The following PPARGC1B variants were observed in gnomAD, a reference collection of about 807,000 sequenced individuals.
PPARGC1B encodes the protein PPARG coactivator 1 beta, also known as peroxisome proliferator-activated receptor gamma coactivator 1-beta.
In PPARGC1B, 34 loss-of-function variants were observed where a neutral mutation model predicts 101.6. The observed-to-expected ratio is 0.33, with a 90% CI of 0.25 to 0.45. The LOEUF is 0.45. Ranked by LOEUF, PPARGC1B falls within the 20% of genes least tolerant of loss-of-function variation. The pLI is 1.00. For synonymous variants in PPARGC1B, 548 were observed against 539.3 expected (o/e 1.02, Z -0.22); for missense variants, 1,234 against 1,317.6 (o/e 0.94, Z 0.98).
chr5:149,772,513 A>G (rs1325168654), intron 1 of PPARGC1B, among the ~76,000 whole-genome samples: 1 of 152,284 alleles, frequency 6.6e-6, no homozygotes, highest in East Asian at 1.9e-4. Flanking sequence ...TCTGAAGGCC[A>G]GAAGTCTAAA....
At chr5:149,731,957 G>C (rs1170577587) in intron 1 of PPARGC1B, among the ~76,000 whole-genome samples, 1 of 152,166 alleles carries the variant, frequency 6.6e-6, no homozygotes, top group African/African-American at 2.4e-5. Flanking sequence ...GCTCGGGTGG[G>C]TTCGCGGCAG....
At chr5:149,797,212 G>A (rs1213760785) in intron 1 of PPARGC1B, among the ~76,000 whole-genome samples, 1 of 152,202 alleles carries the variant, frequency 6.6e-6, no homozygotes, top group East Asian at 1.9e-4. Context: ...AGACCAGCCA[G>A]CCTTAAAGAA....
Position 149,789,620 on chromosome 5 carries a change from T to C in PPARGC1B, c.79-30813T>C, listed in dbSNP as rs571580294. ...AACAATTCTATGAAGTAGTTCCTAT[T>C]GTTATCCTCATCTTACAGAAAACGA... On this transcript the variant is annotated intron_variant, in intron 1 of 11. Transcript: ENST00000309241. Among the ~76,000 whole-genome samples the C allele has an allele frequency of 8.5e-5, 13 of 152,350 alleles. No homozygotes were observed. The South Asian group carries it at 2.7e-3, about 32-fold the overall frequency.
At position 149,844,512 on chromosome 5, in the gene PPARGC1B, G is replaced by A. The variant is rs563685600; in HGVS notation, c.2817-1248G>A. Among the ~76,000 whole-genome samples the A allele has an allele frequency of 7.2e-5, 11 of 152,342 alleles. No individual in the cohort carries two copies. In the South Asian group the frequency reaches 8.3e-4, roughly 11 times the overall value. On this transcript the variant is annotated intron_variant, in intron 10 of 11. Coordinates refer to ENST00000309241, the MANE Select transcript of PPARGC1B (RefSeq NM_133263.4). ...AAATTACCCGGGCGTGGTGGCACAT[G>A]CCTGTAATCTCAGCTACTCAGGAGG...
At chr5:149,818,834 T>C in intron 1 of PPARGC1B, 1 of 456,698 alleles carries the variant, frequency 2.2e-6, no homozygotes. Flanking sequence ...CATTGCCTCT[T>C]TTAATCTTAA....
chr5:149,750,661 ATTAT>A (rs1755264667), intron 1 of PPARGC1B, among the ~76,000 whole-genome samples: 1 of 152,040 alleles, frequency 6.6e-6, no homozygotes, highest in South Asian at 2.1e-4. Context: ...GAGGTCTGTA[ATTAT>A]TTAAAGAAAG....
chr5:149,855,702 G>T (rs187874173), downstream of PPARGC1B, among the ~76,000 whole-genome samples: 1 of 152,148 alleles, frequency 6.6e-6, no homozygotes, highest in Non-Finnish European at 1.5e-5. Context: ...ATTTCCTCAC[G>T]TCTCAAAGGG....
At chr5:149,841,083 A>G (rs968150968) in intron 9 of PPARGC1B, among the ~76,000 whole-genome samples, 1 of 152,130 alleles carries the variant, frequency 6.6e-6, no homozygotes, top group African/African-American at 2.4e-5. Context: ...GAGATAATAG[A>G]CTCATAAACA....
At chr5:149,783,947 T>C (rs1756690437) in intron 1 of PPARGC1B, among the ~76,000 whole-genome samples, 2 of 152,074 alleles carry the variant, frequency 1.3e-5, no homozygotes, top group South Asian at 2.1e-4. Flanking sequence ...TGCACACACA[T>C]GTGTGCAGGC....
In PPARGC1B at chr5:149,850,841, CCATCTCCTTCCT is replaced by C. The variant is rs1759737993; in HGVS notation, c.*3286_*3297del. On this transcript the variant is annotated 3_prime_UTR_variant, in exon 12 of 12. Transcript: ENST00000309241. ...GATCCAACCACTAAGTGGAATTCTT[CCATCTCCTTCCT>C]CAGTCTGTACAAGGCTGAATCAGAA... is the stretch of plus-strand genomic sequence containing the variant. 6.6e-6 allele frequency: 1 copy of C among 152,108 alleles called. No homozygotes were observed. The allele number at this position is 152,108 out of a possible 1,614,324, so 9.4% of individuals were successfully genotyped here. A position where few individuals can be genotyped will look rare whatever the true frequency, so the allele number is the denominator to read the frequency against.
chr5:149,797,079 C>T (rs1757248878), intron 1 of PPARGC1B, among the ~76,000 whole-genome samples: 1 of 152,184 alleles, frequency 6.6e-6, no homozygotes, highest in African/African-American at 2.4e-5. Context: ...GAGTGACCCA[C>T]ATCCCTCCTT....
chr5:149,818,726 C>G, intron 1 of PPARGC1B: 2 of 430,754 alleles, frequency 4.6e-6, no homozygotes, highest in Admixed American at 2.5e-5. Context: ...TCTCTGCCTA[C>G]CATGAAATAC....
intron 1 of PPARGC1B, among the ~76,000 whole-genome samples, chr5:149,783,449 C>T (rs553068605): frequency 2.0e-5 from 3 of 152,234 alleles, no homozygotes; most frequent in African/African-American, 4.8e-5. Context: ...GAGAAAACAC[C>T]AGCCTCACAG....
chr5:149,743,802 C>T (rs564392929), intron 1 of PPARGC1B, among the ~76,000 whole-genome samples: 1 of 152,286 alleles, frequency 6.6e-6, no homozygotes, highest in East Asian at 1.9e-4. Context: ...GTGGAGCCTC[C>T]AGAACCCACT....
At chr5:149,834,245 T>C (rs961013305) in intron 5 of PPARGC1B, among the ~76,000 whole-genome samples, 2 of 152,340 alleles carry the variant, frequency 1.3e-5, no homozygotes, top group Non-Finnish European at 2.9e-5. Context: ...GATGAACAGA[T>C]TGTCCCTATT....
chr5:149,743,313 G>A (rs1215383838), intron 1 of PPARGC1B, among the ~76,000 whole-genome samples: 1 of 151,696 alleles, frequency 6.6e-6, no homozygotes, highest in East Asian at 1.9e-4. Flanking sequence ...CCACCACCAC[G>A]CCTGGCTAAT....
chr5:149,794,526 A>G (rs965416350), intron 1 of PPARGC1B, among the ~76,000 whole-genome samples: 3 of 33,814 alleles, frequency 8.9e-5, no homozygotes, highest in Non-Finnish European at 1.3e-4. Flanking sequence ...GTGAGCGTGC[A>G]CACACACACA....
At chr5:149,855,206 T>C (rs1181066244), downstream of PPARGC1B, among the ~76,000 whole-genome samples, 1 of 152,094 alleles carries the variant, frequency 6.6e-6, no homozygotes, top group African/African-American at 2.4e-5. Flanking sequence ...GTTCATAATA[T>C]CCATTCGTGC....
At chr5:149,779,772 C>T (rs533007965) in intron 1 of PPARGC1B, among the ~76,000 whole-genome samples, 4 of 152,088 alleles carry the variant, frequency 2.6e-5, no homozygotes, top group South Asian at 2.1e-4. Flanking sequence ...GAGAGGCCTC[C>T]GGAGGTGGCA....
Sources: gnomAD v4.1 joint callset for allele counts (sites outside exome capture counted in the v4.1 genomes callset) on GRCh38, gnomAD v4.1.1 for gene constraint, MANE v1.5 for transcripts, NCBI Gene and HGNC (gene_info 2026-07-23, HGNC 2026-07-21) for gene names.